Variants in COBL observed in about 807,000 individuals in gnomAD.
The protein encoded by COBL is cordon-bleu WH2 repeat protein.
COBL carries 51 observed loss-of-function variants against 98.8 expected under a neutral mutation model. The ratio of observed to expected loss-of-function variants is 0.52; its 90% CI spans 0.41 to 0.65. The LOEUF (loss-of-function observed/expected upper bound fraction) is 0.65. Among genes scored for constraint, COBL ranks in the 30% least tolerant of loss-of-function variants. The probability of loss-of-function intolerance (pLI) is 0.00; values close to 1 mark genes in which losing one functional copy is unlikely to be tolerated. For missense variants in COBL, 1,617 were observed against 1,617.5 expected (o/e 1.00, Z 0.01); for synonymous variants, 634 against 651.7 (o/e 0.97, Z 0.41).
rs1347605964 is a variant in COBL at position 51,016,529 on chromosome 7, T to C, written c.*1022A>G. On this transcript the variant is annotated 3_prime_UTR_variant, in exon 13 of 13. Transcript: ENST00000265136. ...TGTAGTTAGACCTCATTATAAATAT[T>C]GGTGACTGGGCACCATGTGAGAAGA... 2 of 165,146 alleles carry C rather than the reference T, an allele frequency of 1.2e-5. No individual in the cohort carries two copies. Among genetic ancestry groups the C allele is most frequent in the Non-Finnish European group, 2.6e-5 (2 of 77,102 alleles). The allele number at this position is 165,146 out of a possible 1,614,324, so 10.2% of individuals were successfully genotyped here.
At chr7:51,225,563 G>A (rs566505443) in intron 1 of COBL, among the ~76,000 whole-genome samples, 134 of 152,294 alleles carry the variant, frequency 8.8e-4, no homozygotes, top group Non-Finnish European at 1.5e-3. Context: ...AGCTTCCTTT[G>A]ATCTATTCAG....
At chr7:51,164,026 ATC>A (rs1347817633) in intron 5 of COBL, among the ~76,000 whole-genome samples, 4 of 152,352 alleles carry the variant, frequency 2.6e-5, no homozygotes, top group South Asian at 4.1e-4. Context: ...GCTTTTGCCA[ATC>A]CCATAGGTGA....
chr7:51,179,494 C>T (rs1788724700), intron 5 of COBL, among the ~76,000 whole-genome samples: 1 of 152,164 alleles, frequency 6.6e-6, no homozygotes, highest in African/African-American at 2.4e-5. Flanking sequence ...GTGTGAGCCA[C>T]CGCGCCCAGC....
chr7:51,239,823 G>C (rs1029214058), intron 1 of COBL, among the ~76,000 whole-genome samples: 1 of 152,114 alleles, frequency 6.6e-6, no homozygotes, highest in African/African-American at 2.4e-5. Flanking sequence ...GACAAATCAA[G>C]GCACACGTTG....
chr7:51,085,041 A>G, intron 7 of COBL, 125 bp downstream of exon 7: 1 of 1,346,824 alleles, frequency 7.4e-7, no homozygotes, highest in Non-Finnish European at 1.0e-6. Context: ...TTCTTTCTTT[A>G]GCATTAATAT....
intron 1 of COBL, among the ~76,000 whole-genome samples, chr7:51,261,221 G>A (rs1162189201): frequency 1.3e-5 from 2 of 152,204 alleles, no homozygotes; most frequent in African/African-American, 4.8e-5. Context: ...CATCCAAAAC[G>A]GCAGCCTTTG....
chr7:51,233,727 GC>G (rs1195318083), intron 1 of COBL, among the ~76,000 whole-genome samples: 2 of 152,158 alleles, frequency 1.3e-5, no homozygotes, highest in Non-Finnish European at 2.9e-5. Context: ...TTCACTTGGG[GC>G]CACGGACTCA....
At chr7:51,163,304 G>C (rs1290797167) in intron 5 of COBL, among the ~76,000 whole-genome samples, 3 of 152,194 alleles carry the variant, frequency 2.0e-5, no homozygotes, top group African/African-American at 7.2e-5. Context: ...TAATTGAAGA[G>C]AGCATCATAG....
intron 1 of COBL, among the ~76,000 whole-genome samples, chr7:51,225,419 C>T (rs1030499034): frequency 1.3e-5 from 2 of 152,194 alleles, no homozygotes; most frequent in African/African-American, 4.8e-5. Context: ...CTGGGCACAC[C>T]CATCGCAGGT....
chr7:51,217,340 CTTTTTTTTTTTTTTTTTT>C (rs1793157054), intron 2 of COBL, among the ~76,000 whole-genome samples: 2 of 127,720 alleles, frequency 1.6e-5, no homozygotes, highest in Non-Finnish European at 3.3e-5. Flanking sequence ...TTTTCTTTTT[CTTTTTTTTTTTTTTTTTT>C]GAGATGGAGT....
intron 1 of COBL, among the ~76,000 whole-genome samples, chr7:51,244,864 G>A (rs1796149085): frequency 6.6e-6 from 1 of 152,164 alleles, no homozygotes; most frequent in Admixed American, 6.5e-5. Context: ...AGAGACCCCA[G>A]GGAGTTCCTG....
intron 6 of COBL, among the ~76,000 whole-genome samples, chr7:51,105,705 C>T (rs780421724): frequency 2.8e-4 from 42 of 152,048 alleles, no homozygotes; most frequent in Non-Finnish European, 3.8e-4. Flanking sequence ...GAGCTGTGAT[C>T]GTTCTACTGC....
Position 51,190,933 on chromosome 7 carries a change from T to C in COBL, c.602A>G (p.Asn201Ser), listed in dbSNP as rs762565296. The C allele has an allele frequency of 3.7e-6, 6 of 1,614,076 alleles. No homozygotes were observed. The highest frequency in any genetic ancestry group is 4.5e-5 in the East Asian group (2 of 44,894). ...CAGCTCCAGCTCCTCTCCGGCAATG[T>C]TGTCCCTGAGGAGAACCACGTGCTC... ...SPEHVVLLRD[N>S]IAGEELELSK... The change falls in exon 4 of 13, where the codon AAC becomes AGC. Residue 201 changes from asparagine (N) to serine (S), a missense_variant. By Grantham distance (46) the Asn-to-Ser change is conservative. Around this residue, in one of 3 missense-constraint regions of COBL, gnomAD observed 75 missense variants for 120.5 expected, o/e 0.62. Transcript: ENST00000265136.
chr7:51,309,357 G>C (rs1016200102), intron 1 of COBL, among the ~76,000 whole-genome samples: 1 of 152,162 alleles, frequency 6.6e-6, no homozygotes, highest in Non-Finnish European at 1.5e-5. Context: ...AGGTCTCTGG[G>C]AACGCTGCAC....
chr7:51,026,517 G>A (rs1426872312), intron 11 of COBL, 29 bp downstream of exon 11: 1 of 1,609,032 alleles, frequency 6.2e-7, no homozygotes, highest in Non-Finnish European at 8.5e-7. Flanking sequence ...TTGAGCTCCT[G>A]GCGCCATGGA....
chr7:51,037,688 C>T (rs916809918), intron 8 of COBL, among the ~76,000 whole-genome samples: 6 of 152,172 alleles, frequency 3.9e-5, no homozygotes, highest in East Asian at 3.9e-4. Context: ...TCTTCACTGG[C>T]TGTACTATGT....
intron 1 of COBL, among the ~76,000 whole-genome samples, chr7:51,276,065 T>C (rs1799281571): frequency 6.6e-6 from 1 of 152,198 alleles, no homozygotes; most frequent in Non-Finnish European, 1.5e-5. Context: ...GAAACAAATA[T>C]CAAGCTCATA....
intron 5 of COBL, among the ~76,000 whole-genome samples, chr7:51,173,349 T>A (rs1003363596): frequency 1.8e-4 from 27 of 150,934 alleles, no homozygotes; most frequent in African/African-American, 6.1e-4. Flanking sequence ...CCAGGATAAA[T>A]TTTTTTGTAT....
chr7:51,061,657 C>A (rs181230322), intron 7 of COBL, among the ~76,000 whole-genome samples: 102 of 152,222 alleles, frequency 6.7e-4, no homozygotes, highest in African/African-American at 2.4e-3. Flanking sequence ...AATTGACAGA[C>A]AGTAAGGAAG....
Sources: gnomAD v4.1 joint callset for allele counts (sites outside exome capture counted in the v4.1 genomes callset) on GRCh38, gnomAD v4.1.1 for gene constraint, gnomAD v4.1.1 regional missense constraint, MANE v1.5 for transcripts, NCBI Gene and HGNC (gene_info 2026-07-23, HGNC 2026-07-21) for gene names.